The following LIMK1 variants were observed in gnomAD, a reference collection of about 807,000 sequenced individuals.
LIMK1 encodes LIM motif-containing protein kinase.
Under a neutral mutation model 77.6 loss-of-function variants are expected in LIMK1, and 21 were observed. The observed-to-expected ratio is 0.27, with a 90% CI of 0.19 to 0.39. The LOEUF (loss-of-function observed/expected upper bound fraction) is 0.39. Ranked by LOEUF, LIMK1 falls within the 10% of genes least tolerant of loss-of-function variation. The pLI, the probability that LIMK1 is intolerant of heterozygous loss-of-function variation, is 1.00. For missense variants in LIMK1, 696 were observed against 901.6 expected (o/e 0.77, Z 2.92); for synonymous variants, 358 against 370.0 (o/e 0.97, Z 0.37).
intron 2 of LIMK1, among the ~76,000 whole-genome samples, chr7:74,090,437 C>T (rs568076383): frequency 2.6e-5 from 4 of 152,070 alleles, no homozygotes; most frequent in South Asian, 4.1e-4. Flanking sequence ...GCTTCTACCT[C>T]GTGGCTTGTG....
At chr7:74,104,289 C>T (rs1003968238) in intron 5 of LIMK1, among the ~76,000 whole-genome samples, 19 of 152,090 alleles carry the variant, frequency 1.2e-4, no homozygotes, top group African/African-American at 4.1e-4. Flanking sequence ...CCTTTTCCAT[C>T]TCCAGGACCT....
At chr7:74,120,799 C>A in intron 14 of LIMK1, 93 bp from the exon 15 acceptor site, 1 of 1,569,310 alleles carries the variant, frequency 6.4e-7, no homozygotes. Context: ...TGCAGCCAGG[C>A]CCAGTGCCAC....
chr7:74,108,236 G>A (rs1168875589), intron 9 of LIMK1, among the ~76,000 whole-genome samples: 4 of 152,118 alleles, frequency 2.6e-5, no homozygotes, highest in Admixed American at 6.6e-5. Flanking sequence ...TACTCGGGGG[G>A]CTGAGGTGGG....
At chr7:74,101,079 G>A (rs1248958523) in intron 5 of LIMK1, among the ~76,000 whole-genome samples, 1 of 152,216 alleles carries the variant, frequency 6.6e-6, no homozygotes, top group Non-Finnish European at 1.5e-5. Flanking sequence ...AATGTTTCTT[G>A]TACACCTGGC....
intron 12 of LIMK1, among the ~76,000 whole-genome samples, chr7:74,112,570 T>G (rs544175389): frequency 6.6e-6 from 1 of 152,048 alleles, no homozygotes; most frequent in African/African-American, 2.4e-5. Flanking sequence ...ATCCCAACAC[T>G]TTGGGAGGCC....
chr7:74,120,177 A>G (rs1799901407), intron 13 of LIMK1, among the ~76,000 whole-genome samples: 1 of 152,190 alleles, frequency 6.6e-6, no homozygotes, highest in African/African-American at 2.4e-5. Context: ...GGGCCCACCC[A>G]GATCATCCAG....
At chr7:74,109,355 G>A (rs150865) in intron 10 of LIMK1, 253,247 of 291,182 alleles carry the variant, frequency 0.87, 111,437 homozygotes, top group Middle Eastern at 0.93. Context: ...GCAAGACCCT[G>A]TCTCAAAAAC....
At chr7:74,117,177 G>A (rs1165490523) in intron 13 of LIMK1, among the ~76,000 whole-genome samples, 1 of 152,024 alleles carries the variant, frequency 6.6e-6, no homozygotes, top group Admixed American at 6.6e-5. Flanking sequence ...CACCGCGCCT[G>A]GCCAATTTTT....
In LIMK1 at chr7:74,120,894, C is replaced by A; in HGVS notation, c.1626C>A (p.Ile542=). 5 of 1,614,168 alleles carry A rather than the reference C, an allele frequency of 3.1e-6. No individual in the cohort carries two copies. Among genetic ancestry groups the A allele is most frequent in the Non-Finnish European group, 4.2e-6 (5 of 1,180,004 alleles). The change falls in exon 15 of 16, where the codon ATC becomes ATA. Residue 542 remains isoleucine, a splice_region_variant and synonymous_variant. Transcript: ENST00000336180. ...VFSFGIVLCE[I]IGRVNADPDY... Reference sequence around the variant, plus strand: ...CTGCCGGGCCTTGTACTGGACAGATCATCGGGCGGGTGAACGCAGACCCTG... The same window carrying A: ...CTGCCGGGCCTTGTACTGGACAGATAATCGGGCGGGTGAACGCAGACCCTG...
intron 5 of LIMK1, among the ~76,000 whole-genome samples, chr7:74,102,727 A>G (rs1450381266): frequency 1.3e-5 from 2 of 151,986 alleles, no homozygotes; most frequent in East Asian, 1.9e-4. Context: ...TGATACCATT[A>G]TCTAATACAC....
In LIMK1 at chr7:74,111,650, C is replaced by T; in HGVS notation, c.1287C>T (p.Asp429=). The T allele has an allele frequency of 6.2e-7, 1 of 1,612,702 alleles. No homozygotes were observed. Residue 429 remains aspartate (D), a splice_region_variant and synonymous_variant, in exon 11 of 16, where the codon GAC becomes GAT. Transcript: ENST00000336180. ...TGGCCATTCTTTCTCCATCCCAGGA[C>T]AGCCAGTACCCATGGAGCCAGAGAG... is the stretch of plus-strand genomic sequence containing the variant. ...GTLRGIIKSM[D]SQYPWSQRVS... is the part of the protein sequence containing the mutation.
At chr7:74,115,448 C>A in intron 12 of LIMK1, 1 of 226,918 alleles carries the variant, frequency 4.4e-6, no homozygotes, top group South Asian at 9.3e-5. Context: ...GAATTCCTGT[C>A]TTCTCTCCGA....
intron 2 of LIMK1, among the ~76,000 whole-genome samples, chr7:74,092,736 G>A (rs1393240994): frequency 2.0e-5 from 3 of 152,222 alleles, no homozygotes; most frequent in Non-Finnish European, 4.4e-5. Context: ...GCATGCTGCT[G>A]GCCTGTGGGG....
chr7:74,093,204 C>A, intron 2 of LIMK1: 1 of 1,534,214 alleles, frequency 6.5e-7, no homozygotes, highest in Non-Finnish European at 8.7e-7. Flanking sequence ...TCTGGCCACC[C>A]CTGCCCTCCC....
At position 74,084,006 on chromosome 7, in the gene LIMK1, CT is replaced by C; in HGVS notation, c.19del (p.Cys7ValfsTer35). 6.8e-7 allele frequency: 1 copy of C among 1,474,658 alleles called. No homozygotes were observed. The highest frequency in any genetic ancestry group is 9.0e-7 in the Non-Finnish European group (1 of 1,105,060). 91.3% of individuals were successfully genotyped at this position (1,474,658 alleles called of 1,614,324 possible). ...CGTCGAGTGCATGAGGTTGACGCTACTTTGTTGCACCTGGAGGGAAGAACGT... is the reference window on the plus strand; with the variant it reads ...CGTCGAGTGCATGAGGTTGACGCTACTTGTTGCACCTGGAGGGAAGAACGT... MRLTL[L>X]CCTWREERMG... On this transcript the variant is annotated frameshift_variant, in exon 1 of 16. Coordinates refer to ENST00000336180, the MANE Select transcript of LIMK1 (RefSeq NM_002314.4). LOFTEE classifies it high-confidence loss of function.
intron 5 of LIMK1, 76 bp downstream of exon 5, chr7:74,099,314 G>A (rs1584114823): frequency 7.0e-7 from 1 of 1,433,872 alleles, no homozygotes. Flanking sequence ...CTGGCACTGG[G>A]GGCCCTGAAA....
chr7:74,120,805 G>A, intron 14 of LIMK1, 87 bp from the exon 15 acceptor site: 4 of 1,581,676 alleles, frequency 2.5e-6, no homozygotes, highest in Non-Finnish European at 2.6e-6. Context: ...CAGGCCCAGT[G>A]CCACCTGCCC....
At chr7:74,090,121 TC>T (rs1353789919) in intron 2 of LIMK1, among the ~76,000 whole-genome samples, 23 of 152,124 alleles carry the variant, frequency 1.5e-4, no homozygotes, top group Admixed American at 3.3e-4. Context: ...ACGCCTGTAA[TC>T]CCAGCACTTT....
intron 13 of LIMK1, 87 bp downstream of exon 13, chr7:74,116,045 C>T: frequency 7.3e-7 from 1 of 1,376,366 alleles, no homozygotes; most frequent in Middle Eastern, 1.8e-4. Context: ...GCCCCTGGCC[C>T]CTCCCAGCCT....
Sources: gnomAD v4.1 joint callset for allele counts (sites outside exome capture counted in the v4.1 genomes callset) on GRCh38, gnomAD v4.1.1 for gene constraint, MANE v1.5 for transcripts, NCBI Gene and HGNC (gene_info 2026-07-23, HGNC 2026-07-21) for gene names.